NSMCE2: variants seen among roughly 807,000 people sequenced by gnomAD.
NSMCE2 encodes NSE2 SUMO ligase component of SMC5/6 complex.
In NSMCE2, 24 loss-of-function variants were observed where a neutral mutation model predicts 23.8. The observed-to-expected ratio is 1.01, with a 90% CI of 0.73 to 1.42. The LOEUF is 1.42. Ranked by LOEUF, NSMCE2 falls within the 40% of genes most tolerant of loss-of-function variation. The pLI is 0.00. For missense variants in NSMCE2, 284 were observed against 296.5 expected (o/e 0.96, Z 0.31); for synonymous variants, 92 against 94.1 (o/e 0.98, Z 0.13).
intron 5 of NSMCE2, among the ~76,000 whole-genome samples, chr8:125,209,709 G>A (rs766787776): frequency 5.9e-5 from 9 of 152,132 alleles, no homozygotes; most frequent in Non-Finnish European, 1.3e-4. Context: ...TATGAAAGTA[G>A]TGATACTTGA....
At chr8:125,356,010 G>A (rs1464894682) in intron 5 of NSMCE2, among the ~76,000 whole-genome samples, 1 of 152,022 alleles carries the variant, frequency 6.6e-6, no homozygotes, top group East Asian at 1.9e-4. Flanking sequence ...GTGTCCATAA[G>A]GTCAAAACTG....
chr8:125,200,819 G>A (rs1014056317), intron 5 of NSMCE2, among the ~76,000 whole-genome samples: 2 of 152,128 alleles, frequency 1.3e-5, no homozygotes, highest in Non-Finnish European at 2.9e-5. Context: ...CCAATCAAAC[G>A]TAGGCTTGGT....
At chr8:125,092,931 A>G (rs951581507) in intron 1 of NSMCE2, among the ~76,000 whole-genome samples, 1 of 152,172 alleles carries the variant, frequency 6.6e-6, no homozygotes, top group East Asian at 1.9e-4. Context: ...GTTTTGTAGG[A>G]TGCTTAAGAG....
intron 3 of NSMCE2, among the ~76,000 whole-genome samples, chr8:125,150,005 G>C (rs1021304996): frequency 1.3e-5 from 2 of 152,260 alleles, no homozygotes. Context: ...AGTACTATCT[G>C]CCTGAGACCA....
At chr8:125,304,861 C>T (rs1828692051) in intron 5 of NSMCE2, among the ~76,000 whole-genome samples, 1 of 146,002 alleles carries the variant, frequency 6.8e-6, no homozygotes. Context: ...TCATTTCAGC[C>T]TGGGCAACAG....
At chr8:125,206,441 G>A (rs1401115340) in intron 5 of NSMCE2, among the ~76,000 whole-genome samples, 1 of 152,208 alleles carries the variant, frequency 6.6e-6, no homozygotes, top group African/African-American at 2.4e-5. Flanking sequence ...GTTGGTATGG[G>A]AAGAGATCTT....
intron 4 of NSMCE2, among the ~76,000 whole-genome samples, chr8:125,156,609 G>A (rs920795043): frequency 1.1e-4 from 16 of 152,136 alleles, no homozygotes; most frequent in Admixed American, 8.5e-4. Context: ...GCCCTATGTA[G>A]TGTGGTTTTT....
intron 1 of NSMCE2, among the ~76,000 whole-genome samples, chr8:125,096,844 C>A (rs778660346): frequency 6.6e-6 from 1 of 151,854 alleles, no homozygotes; most frequent in Non-Finnish European, 1.5e-5. Context: ...CTCCTGACCT[C>A]GAGTGATCAA....
intron 5 of NSMCE2, among the ~76,000 whole-genome samples, chr8:125,349,513 C>T (rs1425247024): frequency 6.6e-6 from 1 of 151,232 alleles, no homozygotes; most frequent in Admixed American, 6.6e-5. Context: ...ATTTGGAAGG[C>T]CAAGGTGGAA....
chr8:125,353,470 C>G (rs1434035762), intron 5 of NSMCE2, among the ~76,000 whole-genome samples: 1 of 152,130 alleles, frequency 6.6e-6, no homozygotes, highest in African/African-American at 2.4e-5. Flanking sequence ...CTAACTCTTG[C>G]ACTATGAATA....
At chr8:125,146,311 A>T (rs986221221) in intron 3 of NSMCE2, among the ~76,000 whole-genome samples, 7 of 152,218 alleles carry the variant, frequency 4.6e-5, no homozygotes, top group African/African-American at 1.7e-4. Context: ...CCAGAGTGGG[A>T]GGCCTGGCGC....
At chr8:125,240,130 C>CT (rs397687521) in intron 5 of NSMCE2, among the ~76,000 whole-genome samples, 30,185 of 144,084 alleles carry the variant, frequency 0.21, 3,865 homozygotes, top group African/African-American at 0.36. Context: ...TTTTCTTTTT[C>CT]TTTTTTTTTT....
At chr8:125,095,988 AC>A (rs1343838166) in intron 1 of NSMCE2, among the ~76,000 whole-genome samples, 1 of 152,120 alleles carries the variant, frequency 6.6e-6, no homozygotes, top group Non-Finnish European at 1.5e-5. Flanking sequence ...TAACAGGTAA[AC>A]CCCACAAGTC....
intron 5 of NSMCE2, among the ~76,000 whole-genome samples, chr8:125,292,730 G>A (rs1000986605): frequency 2.0e-5 from 3 of 152,150 alleles, no homozygotes; most frequent in Non-Finnish European, 4.4e-5. Flanking sequence ...TGATTCCCTG[G>A]TTCTGTCAGT....
intron 5 of NSMCE2, among the ~76,000 whole-genome samples, chr8:125,208,884 T>C (rs1198682551): frequency 6.6e-6 from 1 of 152,244 alleles, no homozygotes; most frequent in East Asian, 1.9e-4. Context: ...ATAACATGAC[T>C]ATAGAAAGAC....
At chr8:125,143,731 C>T (rs1021628306) in intron 3 of NSMCE2, among the ~76,000 whole-genome samples, 1 of 152,106 alleles carries the variant, frequency 6.6e-6, no homozygotes, top group Non-Finnish European at 1.5e-5. Context: ...ACAGCTTGGC[C>T]GTGGGCAAAA....
At chr8:125,112,150 A>G (rs1376203134) in intron 3 of NSMCE2, among the ~76,000 whole-genome samples, 1 of 152,228 alleles carries the variant, frequency 6.6e-6, no homozygotes, top group Non-Finnish European at 1.5e-5. Flanking sequence ...ACTGGAGCCA[A>G]CTATACCAGC....
chr8:125,334,599 G>A (rs1830003607), intron 5 of NSMCE2, among the ~76,000 whole-genome samples: 1 of 151,948 alleles, frequency 6.6e-6, no homozygotes, highest in South Asian at 2.1e-4. Context: ...TTTTTCTCAC[G>A]GGTTGGAATG....
chr8:125,201,198 A>G (rs2130858907), intron 5 of NSMCE2, among the ~76,000 whole-genome samples: 1 of 152,306 alleles, frequency 6.6e-6, no homozygotes, highest in African/African-American at 2.4e-5. Context: ...TTCTCCGTCC[A>G]GGTTTGTTCC....
Sources: allele counts gnomAD v4.1 joint callset (sites outside exome capture counted in the v4.1 genomes callset), GRCh38; gene constraint gnomAD v4.1.1; transcripts MANE v1.5; gene names NCBI Gene and HGNC (gene_info 2026-07-23, HGNC 2026-07-21).